Variants in NTRK3 observed in about 807,000 individuals in gnomAD.
The protein encoded by NTRK3 is neurotrophic receptor tyrosine kinase 3, also known as NT-3 growth factor receptor.
Under a neutral mutation model 91.7 loss-of-function variants are expected in NTRK3, and 24 were observed. The observed-to-expected ratio is 0.26, with a 90% CI of 0.19 to 0.37. The LOEUF is 0.37. Ranked by LOEUF, NTRK3 falls within the 10% of genes least tolerant of loss-of-function variation. NTRK3 has a pLI of 1.00. For missense variants in NTRK3, 880 were observed against 1,068.9 expected (o/e 0.82, Z 2.46); for synonymous variants, 483 against 404.0 (o/e 1.20, Z -2.34).
At chr15:88,197,126 AAC>A (rs2047909371) in intron 3 of NTRK3, among the ~76,000 whole-genome samples, 6 of 146,654 alleles carry the variant, frequency 4.1e-5, no homozygotes, top group Admixed American at 1.3e-4. Context: ...AAAAAAAAAA[AAC>A]CTCTGTGATT....
rs4887202 is a variant in NTRK3 at position 87,979,802 on chromosome 15, G to T, written c.1586-39049C>A. On this transcript the variant is annotated intron_variant, in intron 14 of 18. Coordinates refer to ENST00000394480, the Ensembl canonical transcript of NTRK3. ...CATCTTTCTGAAAGGAGGAGACCCT[G>T]ACGATGAGCTGAGGGGTGTGTCGGA... is the stretch of plus-strand genomic sequence containing the variant. 0.6 allele frequency among the ~76,000 whole-genome samples: 90,976 copies of T among 151,602 alleles called. 28,093 individuals are homozygous for T. The highest frequency in any genetic ancestry group is 0.78 in the East Asian group (3,984 of 5,128).
intron 13 of NTRK3, among the ~76,000 whole-genome samples, chr15:88,041,387 T>C (rs1488882792): frequency 7.9e-5 from 12 of 152,222 alleles, no homozygotes; most frequent in Non-Finnish European, 8.8e-5. Context: ...GCATGACTGC[T>C]ATTTATTGAG....
rs182670298 is a variant in NTRK3, at chr15:88,039,834, T to C, written c.1397-6789A>G. Among the ~76,000 whole-genome samples, 15 of 152,314 alleles carry C rather than the reference T, an allele frequency of 9.8e-5. 1 individual carries two copies. Among genetic ancestry groups the C allele is most frequent in the African/African-American group, 2.9e-4 (12 of 41,568 alleles). ...ACCCTACTGCTGTGTCCGGTTTCCA[T>C]TGGCTGGAATGGGACCTCACATTCT... On this transcript the variant is annotated intron_variant, in intron 13 of 18. Coordinates refer to ENST00000394480, the Ensembl canonical transcript of NTRK3.
intron 17 of NTRK3, among the ~76,000 whole-genome samples, chr15:87,919,520 G>C (rs1248200319): frequency 6.6e-6 from 1 of 152,138 alleles, no homozygotes; most frequent in African/African-American, 2.4e-5. Context: ...CAGAATACCT[G>C]AGTTGCAGGT....
Position 88,002,950 on chromosome 15 carries a change from G to C in NTRK3, c.1585+29907C>G, listed in dbSNP as rs558644116. Among the ~76,000 whole-genome samples, 16 of 152,260 alleles carry C rather than the reference G, an allele frequency of 1.1e-4. No homozygotes were observed. The South Asian group carries it at 3.1e-3, about 30-fold the overall frequency. On this transcript the variant is annotated intron_variant, in intron 14 of 18. Transcript: ENST00000394480. ...ATATTCAATGAGTCCCAGACCTCAA[G>C]TACCACTTTTCAAAAATCCGCCAAG... is the stretch of plus-strand genomic sequence containing the variant.
intron 13 of NTRK3, among the ~76,000 whole-genome samples, chr15:88,088,248 G>A (rs972489366): frequency 2.0e-5 from 3 of 152,186 alleles, no homozygotes; most frequent in African/African-American, 7.2e-5. Flanking sequence ...AAGCCAGCAA[G>A]ACTGAGTGGA....
intron 9 of NTRK3, among the ~76,000 whole-genome samples, 179 bp from the exon 10 acceptor site, chr15:88,135,576 C>G (rs1030316019): frequency 1.3e-5 from 2 of 152,182 alleles, no homozygotes; most frequent in Non-Finnish European, 2.9e-5. Flanking sequence ...TTTATGCAAG[C>G]TTCCTAGATC....
intron 5 of NTRK3, among the ~76,000 whole-genome samples, chr15:88,176,085 C>T (rs76038901): frequency 0.023 from 3,458 of 151,384 alleles, 116 homozygotes; most frequent in African/African-American, 0.078. Context: ...TATATTTGTA[C>T]GTTCCAATAA....
intron 6 of NTRK3, among the ~76,000 whole-genome samples, chr15:88,141,867 C>G (rs907051976): frequency 3.3e-5 from 5 of 152,222 alleles, no homozygotes; most frequent in South Asian, 4.1e-4. Flanking sequence ...TCCTTTCCCC[C>G]CAGGGTCCTG....
At chr15:88,035,765 G>T (rs1363843265) in intron 13 of NTRK3, among the ~76,000 whole-genome samples, 1 of 151,926 alleles carries the variant, frequency 6.6e-6, no homozygotes, top group Non-Finnish European at 1.5e-5. Context: ...AGCAGAAGAA[G>T]ACTTTCTAAA....
At chr15:88,254,773 C>T (rs1230085300) in intron 3 of NTRK3, among the ~76,000 whole-genome samples, 2 of 152,158 alleles carry the variant, frequency 1.3e-5, no homozygotes, top group Non-Finnish European at 2.9e-5. Context: ...TTCTCAGCTG[C>T]CTACCCATTG....
At chr15:88,052,126 T>C (rs886160450) in intron 13 of NTRK3, among the ~76,000 whole-genome samples, 4 of 152,200 alleles carry the variant, frequency 2.6e-5, no homozygotes, top group African/African-American at 9.7e-5. Flanking sequence ...GTTCCCTAAT[T>C]TCCATACATA....
At chr15:88,103,929 A>G (rs184644820) in intron 13 of NTRK3, among the ~76,000 whole-genome samples, 4 of 152,302 alleles carry the variant, frequency 2.6e-5, no homozygotes, top group South Asian at 4.1e-4. Context: ...CCAATGGACA[A>G]TTCTACACTA....
intron 13 of NTRK3, among the ~76,000 whole-genome samples, chr15:88,107,223 G>A (rs1467626164): frequency 1.3e-5 from 2 of 152,184 alleles, no homozygotes; most frequent in South Asian, 2.1e-4. Flanking sequence ...TGAGCAGATC[G>A]TTTGAGCTCA....
At chr15:88,095,713 T>C (rs1322701443) in intron 13 of NTRK3, among the ~76,000 whole-genome samples, 1 of 152,204 alleles carries the variant, frequency 6.6e-6, no homozygotes, top group Non-Finnish European at 1.5e-5. Context: ...GTCTAAAGAT[T>C]GAGCACCAGT....
At chr15:87,950,303 G>A (rs1455294100) in intron 14 of NTRK3, among the ~76,000 whole-genome samples, 1 of 152,210 alleles carries the variant, frequency 6.6e-6, no homozygotes, top group Non-Finnish European at 1.5e-5. Context: ...GGAGACCAGA[G>A]GATCCCAGTC....
chr15:88,153,533 G>A (rs1204691941), intron 5 of NTRK3, among the ~76,000 whole-genome samples: 1 of 152,182 alleles, frequency 6.6e-6, no homozygotes, highest in Non-Finnish European at 1.5e-5. Flanking sequence ...GGGATTACAG[G>A]TGTAAGCCAC....
intron 14 of NTRK3, among the ~76,000 whole-genome samples, chr15:87,967,269 G>A (rs2072875835): frequency 6.6e-6 from 1 of 152,172 alleles, no homozygotes; most frequent in Admixed American, 6.5e-5. Context: ...GAAGAGGCAT[G>A]AACACTGTCA....
intron 13 of NTRK3, among the ~76,000 whole-genome samples, chr15:88,103,669 C>T (rs765920055): frequency 1.3e-5 from 2 of 152,110 alleles, no homozygotes; most frequent in Non-Finnish European, 2.9e-5. Context: ...GGAGGGGATT[C>T]ATAGAAGACA....
Sources: allele counts gnomAD v4.1 joint callset (sites outside exome capture counted in the v4.1 genomes callset), GRCh38; gene constraint gnomAD v4.1.1; transcripts MANE v1.5; gene names NCBI Gene and HGNC (gene_info 2026-07-23, HGNC 2026-07-21).